Variants in RIPOR2 observed in about 807,000 individuals in gnomAD.
RIPOR2 encodes rho family-interacting cell polarization regulator 2.
A neutral mutation model predicts 114.5 loss-of-function variants in RIPOR2; 39 were observed. The observed-to-expected ratio is 0.34, with a 90% CI of 0.26 to 0.44. The LOEUF (loss-of-function observed/expected upper bound fraction) is 0.44, where lower values mean the gene tolerates loss of function less well. RIPOR2 is among the 20% of genes least tolerant of loss of function. The pLI, the probability that RIPOR2 is intolerant of heterozygous loss-of-function variation, is 1.00. For missense variants in RIPOR2, 1,007 were observed against 1,255.1 expected, an observed-to-expected ratio of 0.80 and a Z score of 2.99; for synonymous variants, 445 against 484.4, an observed-to-expected ratio of 0.92 and a Z score of 1.07.
Position 24,996,764 on chromosome 6 carries a change from C to T in RIPOR2, c.76+45087G>A, listed in dbSNP as rs189699811. On this transcript the variant is annotated intron_variant, in intron 1 of 13. Transcript: ENST00000510784. ...AGTGTGATACTTCCTCTGCGTGACT[C>T]AGGCACTTTATACAGGCTTCTATTA... is the stretch of plus-strand genomic sequence containing the variant. 3.9e-5 allele frequency among the ~76,000 whole-genome samples: 6 copies of T among 152,350 alleles called. No individual in the cohort carries two copies. In the East Asian group the frequency reaches 1.2e-3, roughly 29 times the overall value.
At chr6:24,947,324 G>A (rs1485712612) in intron 1 of RIPOR2, among the ~76,000 whole-genome samples, 3 of 152,132 alleles carry the variant, frequency 2.0e-5, no homozygotes, top group Non-Finnish European at 4.4e-5. Context: ...CATCCAGGAA[G>A]AACTACATGC....
chr6:24,987,193 C>T (rs1173396539), intron 1 of RIPOR2, among the ~76,000 whole-genome samples: 1 of 152,186 alleles, frequency 6.6e-6, no homozygotes, highest in African/African-American at 2.4e-5. Context: ...TCATGGCTGG[C>T]TGGCACAGCC....
intron 19 of RIPOR2, among the ~76,000 whole-genome samples, chr6:24,820,128 G>T (rs1759547632): frequency 6.6e-6 from 1 of 152,122 alleles, no homozygotes; most frequent in Non-Finnish European, 1.5e-5. Flanking sequence ...CGCCTCCCGG[G>T]TTCAAGCGAT....
intron 4 of RIPOR2, among the ~76,000 whole-genome samples, chr6:24,871,976 C>A (rs1320384311): frequency 6.6e-6 from 1 of 152,130 alleles, no homozygotes; most frequent in African/African-American, 2.4e-5. Flanking sequence ...ATTGATAAAG[C>A]CTTGAATCTC....
At chr6:24,954,988 TTATA>T (rs1349611776) in intron 1 of RIPOR2, among the ~76,000 whole-genome samples, 1 of 152,204 alleles carries the variant, frequency 6.6e-6, no homozygotes, top group Non-Finnish European at 1.5e-5. Flanking sequence ...TTGTGGCCGT[TTATA>T]TATCCTGATT....
At chr6:24,948,761 C>T (rs1581859658) in intron 1 of RIPOR2, among the ~76,000 whole-genome samples, 1 of 152,294 alleles carries the variant, frequency 6.6e-6, no homozygotes, top group African/African-American at 2.4e-5. Context: ...AAACTCCCGA[C>T]CTCAGGTGAT....
chr6:24,869,250 T>G (rs1051368649), intron 5 of RIPOR2, 103 bp from the exon 6 acceptor site: 3 of 581,062 alleles, frequency 5.2e-6, no homozygotes, highest in Admixed American at 6.4e-5. Flanking sequence ...TATTAGAAAA[T>G]CCAATATATT....
At chr6:24,810,165 T>C (rs1440328419) in intron 20 of RIPOR2, among the ~76,000 whole-genome samples, 2 of 152,152 alleles carry the variant, frequency 1.3e-5, no homozygotes, top group African/African-American at 2.4e-5. Context: ...ACTTTACCTA[T>C]GGGGTCAAAC....
chr6:24,943,053 G>A (rs1159211501), intron 1 of RIPOR2, among the ~76,000 whole-genome samples: 1 of 152,120 alleles, frequency 6.6e-6, no homozygotes, highest in Non-Finnish European at 1.5e-5. Flanking sequence ...TATGTTTACT[G>A]CAGCACTATT....
At chr6:24,936,275 A>G (rs895035549), upstream of RIPOR2, among the ~76,000 whole-genome samples, 1 of 152,180 alleles carries the variant, frequency 6.6e-6, no homozygotes. Context: ...TTTGAACACA[A>G]TGGGTTTTGT....
rs979011980 is a variant in RIPOR2, at chr6:24,981,744, A to G, written c.76+60107T>C. On this transcript the variant is annotated intron_variant, in intron 1 of 13. Coordinates refer to the RIPOR2 transcript ENST00000510784. The stretch of plus-strand genomic sequence containing the variant: ...AATTGTGGAAGCCTGAGCAAGTCAC[A>G]TAACCTCTCTGTTCCACAGTGTTGT... 9.2e-5 allele frequency among the ~76,000 whole-genome samples: 14 copies of G among 152,238 alleles called. No individual in the cohort carries two copies. The East Asian group carries it at 2.7e-3, about 29-fold the overall frequency.
intron 12 of RIPOR2, 103 bp from the exon 13 acceptor site, chr6:24,843,657 A>T: frequency 2.4e-6 from 2 of 820,884 alleles, no homozygotes; most frequent in South Asian, 4.2e-5. Context: ...CAATGAAAAA[A>T]CCCAGAACTT....
chr6:24,980,858 G>T (rs530487684), intron 1 of RIPOR2, among the ~76,000 whole-genome samples: 10 of 152,178 alleles, frequency 6.6e-5, no homozygotes, highest in Non-Finnish European at 1.2e-4. Context: ...CAGAGAAGGT[G>T]AGTGAAGCTG....
rs112183772 is a variant in RIPOR2, at chr6:24,901,266, C to G, written c.62-25449G>C. On this transcript the variant is annotated intron_variant, in intron 1 of 21. Transcript: ENST00000643898. ...CTTTAGCCTGATTACTGTATATTCA[C>G]ATTTATGAAAACATCTTGAGTTAAT... 6.3e-3 allele frequency among the ~76,000 whole-genome samples: 966 copies of G among 152,326 alleles called. 7 individuals carry two copies. Among genetic ancestry groups the G allele is most frequent in the African/African-American group, 0.021 (893 of 41,562 alleles).
In RIPOR2 at chr6:25,024,252, A is replaced by C. The variant is rs1776490274; in HGVS notation, c.76+17599T>G. 16 of 1,536,868 alleles carry C rather than the reference A, an allele frequency of 1.0e-5. No homozygotes were observed. In the South Asian group the frequency reaches 1.8e-4, roughly 17 times the overall value. On this transcript the variant is annotated intron_variant, in intron 1 of 13. Coordinates refer to the RIPOR2 transcript ENST00000510784. ...GTCCTCATACAGTGTGCTGGACTGG[A>C]TGGCCGGCCAGATGAACTCTTCCAC...
chr6:24,898,037 G>A (rs958977229), intron 1 of RIPOR2, among the ~76,000 whole-genome samples: 3 of 150,416 alleles, frequency 2.0e-5, no homozygotes, highest in South Asian at 4.3e-4. Flanking sequence ...AAAGAAAGAA[G>A]GAAGGAAGGA....
At chr6:25,009,955 T>G (rs575258020) in intron 1 of RIPOR2, among the ~76,000 whole-genome samples, 4 of 152,042 alleles carry the variant, frequency 2.6e-5, no homozygotes, top group Admixed American at 1.3e-4. Context: ...GGAGAACGGA[T>G]GCCCAGAAGA....
chr6:24,982,428 C>T (rs1401855366), intron 1 of RIPOR2, among the ~76,000 whole-genome samples: 4 of 152,190 alleles, frequency 2.6e-5, no homozygotes, highest in Non-Finnish European at 5.9e-5. Flanking sequence ...TTCTAGGTGA[C>T]TCAGCTTGCC....
At chr6:24,921,790 C>A (rs1267268491) in intron 1 of RIPOR2, among the ~76,000 whole-genome samples, 1 of 151,992 alleles carries the variant, frequency 6.6e-6, no homozygotes, top group African/African-American at 2.4e-5. Context: ...CTGAACCAAG[C>A]ATGTGGAAGA....
Sources: gnomAD v4.1 joint callset for allele counts (sites outside exome capture counted in the v4.1 genomes callset) on GRCh38, gnomAD v4.1.1 for gene constraint, MANE v1.5 for transcripts, NCBI Gene and HGNC (gene_info 2026-07-23, HGNC 2026-07-21) for gene names.